Variants in ZFHX3 observed in about 807,000 individuals in gnomAD.
ZFHX3 encodes the protein zinc finger homeobox protein 3.
ZFHX3 carries 42 observed loss-of-function variants against 279.1 expected under a neutral mutation model. That is an observed-to-expected ratio of 0.15 (90% CI 0.12 to 0.19). The LOEUF is 0.19. Among genes scored for constraint, ZFHX3 ranks in the 10% least tolerant of loss-of-function variants. ZFHX3 has a pLI of 1.00. For missense variants in ZFHX3, 4,981 were observed against 4,754.0 expected, an observed-to-expected ratio of 1.05 and a Z score of -1.40; for synonymous variants, 2,293 against 1,957.8, an observed-to-expected ratio of 1.17 and a Z score of -4.52.
chr16:73,637,780 C>A (rs1456962885), intron 2 of ZFHX3, among the ~76,000 whole-genome samples: 1 of 151,624 alleles, frequency 6.6e-6, no homozygotes, highest in Non-Finnish European at 1.5e-5. Flanking sequence ...TTGCATATTG[C>A]ATAAAAGACA....
intron 2 of ZFHX3, among the ~76,000 whole-genome samples, chr16:73,540,389 C>T (rs1176294043): frequency 2.0e-5 from 3 of 152,216 alleles, no homozygotes; most frequent in Non-Finnish European, 2.9e-5. Context: ...CAGTAAGAAA[C>T]TGCAAAGGAA....
chr16:73,021,255 G>A lies in ZFHX3; in HGVS notation c.-50+26497C>T, dbSNP rs8058535. Among the ~76,000 whole-genome samples, 315 of 152,290 alleles carry A rather than the reference G, an allele frequency of 2.1e-3. 2 individuals carry two copies. The highest frequency in any genetic ancestry group is 7.3e-3 in the African/African-American group (305 of 41,558). On this transcript the variant is annotated intron_variant, in intron 1 of 9. Coordinates refer to ENST00000268489, the MANE Select transcript of ZFHX3 (RefSeq NM_006885.4). ...GAAACGGGGCTCGAGGTTCTGGGACGAGGGCCTGCTGAGCTGGCCAGCCCA... is the reference window on the plus strand; with the variant it reads ...GAAACGGGGCTCGAGGTTCTGGGACAAGGGCCTGCTGAGCTGGCCAGCCCA...
In ZFHX3 at chr16:72,787,251, C is replaced by G. The variant is rs769256676; in HGVS notation, c.11025G>C (p.Pro3675=). ...CTTTGGGACCCTCCACCGGGCTCGC[C>G]GGTCCGTCGGACTTTTGGCTGAGAT... ...DTDLSQKSDG[P]ASPVEGPKDP... The change falls in exon 10 of 10, where the codon CCG becomes CCC. Residue 3675 remains proline (P), a synonymous_variant. Coordinates refer to ENST00000268489, the MANE Select transcript of ZFHX3 (RefSeq NM_006885.4). 2.5e-6 allele frequency: 4 copies of G among 1,613,934 alleles called. No individual in the cohort carries two copies. The highest frequency in any genetic ancestry group is 1.1e-5 in the South Asian group (1 of 91,070).
At chr16:73,125,675 A>G (rs932981449) in intron 7 of ZFHX3, among the ~76,000 whole-genome samples, 1 of 152,016 alleles carries the variant, frequency 6.6e-6, no homozygotes, top group African/African-American at 2.4e-5. Context: ...CTGGACTCCA[A>G]ATTCTTCAGT....
At chr16:72,838,193 C>G (rs1420798134) in intron 4 of ZFHX3, among the ~76,000 whole-genome samples, 1 of 152,096 alleles carries the variant, frequency 6.6e-6, no homozygotes, top group African/African-American at 2.4e-5. Flanking sequence ...TAAGAATCAA[C>G]ACTCTGAAAG....
intron 5 of ZFHX3, among the ~76,000 whole-genome samples, chr16:73,248,422 G>A (rs893816257): frequency 1.3e-5 from 2 of 151,860 alleles, no homozygotes; most frequent in Admixed American, 6.6e-5. Context: ...TGCATATAAT[G>A]TGTCTTTGTG....
chr16:72,954,572 A>T (rs1197793468), intron 2 of ZFHX3, among the ~76,000 whole-genome samples: 2 of 152,180 alleles, frequency 1.3e-5, no homozygotes, highest in African/African-American at 4.8e-5. Context: ...TGAAAGGGAG[A>T]CGAAGGGAGC....
intron 1 of ZFHX3, among the ~76,000 whole-genome samples, chr16:72,969,984 G>A (rs1359725178): frequency 6.6e-6 from 1 of 152,204 alleles, no homozygotes; most frequent in East Asian, 1.9e-4. Flanking sequence ...GAATCGCCCA[G>A]GCCGTGGGCC....
chr16:73,008,958 T>G (rs1567630326), intron 1 of ZFHX3, among the ~76,000 whole-genome samples: 2 of 151,190 alleles, frequency 1.3e-5, no homozygotes, highest in South Asian at 4.2e-4. Flanking sequence ...ATATATATGT[T>G]AAAAAGCTTA....
At chr16:73,251,437 C>G (rs1335698558) in intron 5 of ZFHX3, among the ~76,000 whole-genome samples, 2 of 152,146 alleles carry the variant, frequency 1.3e-5, no homozygotes, top group Non-Finnish European at 2.9e-5. Context: ...CTTATTTGGT[C>G]ATCATGATAA....
rs960417390 is a variant in ZFHX3, at chr16:73,158,158, C to G, written c.-1103-14327G>C. On this transcript the variant is annotated intron_variant, in intron 5 of 17. Coordinates refer to the ZFHX3 transcript ENST00000641206. ...CTGCAGGTCTGCATCTTTGTTCTTT[C>G]CCAGGCTGGGACAGCAGCCCCGGCA... Among the ~76,000 whole-genome samples the G allele has an allele frequency of 2.0e-5, 3 of 152,162 alleles. No homozygotes were observed. In the East Asian group the frequency reaches 5.8e-4, roughly 29 times the overall value.
chr16:73,877,812 C>T (rs945207298), intron 1 of ZFHX3, among the ~76,000 whole-genome samples: 37 of 152,048 alleles, frequency 2.4e-4, no homozygotes, highest in African/African-American at 8.4e-4. Flanking sequence ...AAGGATTCTT[C>T]AGGGACAACT....
intron 4 of ZFHX3, among the ~76,000 whole-genome samples, chr16:73,307,902 T>C (rs191484769): frequency 1.3e-5 from 2 of 152,166 alleles, no homozygotes; most frequent in East Asian, 3.9e-4. Flanking sequence ...AGATGAGCAA[T>C]TGCCTTTACA....
chr16:73,249,073 C>T lies in ZFHX3; in HGVS notation c.-1104+7974G>A, dbSNP rs77294532. Among the ~76,000 whole-genome samples, 526 of 152,230 alleles carry T rather than the reference C, an allele frequency of 3.5e-3. 3 individuals carry two copies. The highest frequency in any genetic ancestry group is 6.8e-3 in the Middle Eastern group (2 of 294). On this transcript the variant is annotated intron_variant, in intron 5 of 17. Coordinates refer to the ZFHX3 transcript ENST00000641206. ...AGTGGTCACACTGACCTCAATAATA[C>T]GCCTCCTTTCCTTGAATAATCTATT...
chr16:72,874,088 C>G (rs929994460), intron 4 of ZFHX3, among the ~76,000 whole-genome samples: 9 of 151,988 alleles, frequency 5.9e-5, no homozygotes, highest in African/African-American at 2.2e-4. Flanking sequence ...TAAGATAAAG[C>G]AAGTGGGCGG....
chr16:73,416,148 G>GAAAAAAAAAAAAAAAAAA (rs2017575986), intron 3 of ZFHX3, among the ~76,000 whole-genome samples: 1 of 146,740 alleles, frequency 6.8e-6, no homozygotes, highest in African/African-American at 2.6e-5. Flanking sequence ...ACAAAAAACG[G>GAAAAAAAAAAAAAAAAAA]AAAACAAACA....
At chr16:73,141,580 T>C (rs1966847917) in intron 6 of ZFHX3, among the ~76,000 whole-genome samples, 2 of 152,206 alleles carry the variant, frequency 1.3e-5, no homozygotes, top group East Asian at 1.9e-4. Flanking sequence ...AAATTTTTTG[T>C]TGAGACAGGG....
At chr16:72,949,395 G>C (rs1423886429) in intron 3 of ZFHX3, among the ~76,000 whole-genome samples, 1 of 152,116 alleles carries the variant, frequency 6.6e-6, no homozygotes, top group Non-Finnish European at 1.5e-5. Context: ...ATCAGGCCAG[G>C]GAGATTTATG....
At chr16:73,332,162 A>C (rs1347261351) in intron 3 of ZFHX3, among the ~76,000 whole-genome samples, 1 of 152,226 alleles carries the variant, frequency 6.6e-6, no homozygotes, top group Non-Finnish European at 1.5e-5. Flanking sequence ...ATCCTGAAAA[A>C]GTTGACTACA....
Sources: gnomAD v4.1 joint callset for allele counts (sites outside exome capture counted in the v4.1 genomes callset) on GRCh38, gnomAD v4.1.1 for gene constraint, MANE v1.5 for transcripts, NCBI Gene and HGNC (gene_info 2026-07-23, HGNC 2026-07-21) for gene names.